KIAA1549L: variants seen among roughly 807,000 people sequenced by gnomAD.
The protein encoded by KIAA1549L is UPF0606 protein KIAA1549L.
In KIAA1549L, 88 loss-of-function variants were observed where a neutral mutation model predicts 160.7. The ratio of observed to expected loss-of-function variants is 0.55; its 90% CI spans 0.46 to 0.65. The LOEUF is 0.65. Ranked by LOEUF, KIAA1549L falls within the 30% of genes least tolerant of loss-of-function variation. The pLI is 0.00. For missense variants in KIAA1549L, 2,258 were observed against 2,437.5 expected, an observed-to-expected ratio of 0.93 and a Z score of 1.55; for synonymous variants, 950 against 976.7, an observed-to-expected ratio of 0.97 and a Z score of 0.51.
At chr11:33,395,687 ACTT>A (rs1007213000) in intron 1 of KIAA1549L, among the ~76,000 whole-genome samples, 5 of 152,152 alleles carry the variant, frequency 3.3e-5, no homozygotes, top group East Asian at 1.9e-4. Context: ...GCTGTTTTCA[ACTT>A]CTTGTAGTTT....
intron 1 of KIAA1549L, among the ~76,000 whole-genome samples, chr11:33,398,725 T>C (rs1326404359): frequency 6.6e-6 from 1 of 152,230 alleles, no homozygotes; most frequent in African/African-American, 2.4e-5. Context: ...AGGATTGATA[T>C]CTTTCCTTTC....
chr11:33,570,900 G>A (rs140785690), intron 9 of KIAA1549L, among the ~76,000 whole-genome samples: 2 of 152,282 alleles, frequency 1.3e-5, no homozygotes, highest in South Asian at 2.1e-4. Context: ...AGTGTGGAGC[G>A]AAAAGGGCAC....
chr11:33,554,134 T>G (rs976071273), intron 6 of KIAA1549L, among the ~76,000 whole-genome samples: 4 of 152,320 alleles, frequency 2.6e-5, no homozygotes, highest in Non-Finnish European at 5.9e-5. Flanking sequence ...CATGGTAACT[T>G]CATGCTGACA....
chr11:33,547,842 T>C lies in KIAA1549L; in HGVS notation c.3464T>C (p.Leu1155Ser), dbSNP rs751518184. 2.5e-6 allele frequency: 4 copies of C among 1,613,538 alleles called. No individual in the cohort carries two copies. The highest frequency in any genetic ancestry group is 3.4e-6 in the Non-Finnish European group (4 of 1,179,618). The change falls in exon 4 of 21, where the codon TTG becomes TCG. Residue 1155 changes from leucine (L) to serine (S), a missense_variant. Leu to Ser is a moderately radical substitution (Grantham distance 145, BLOSUM62 -2). Transcript: ENST00000658780. ...ATCGCCAAAGGGCTCACACAGGCAT[T>C]GCGGAAGGCTTTCCACCAGAACGAT... ...FSIAKGLTQA[L>S]RKAFHQNDVS...
At position 33,452,743 on chromosome 11, in the gene KIAA1549L, C is replaced by T. The variant is rs16924341; in HGVS notation, c.238+75854C>T. Among the ~76,000 whole-genome samples the T allele has an allele frequency of 8.3e-3, 1,265 of 152,258 alleles. 21 individuals are homozygous for T. Among genetic ancestry groups the T allele is most frequent in the East Asian group, 0.055 (285 of 5,174 alleles). On this transcript the variant is annotated intron_variant, in intron 1 of 20. Coordinates refer to ENST00000658780, the MANE Select transcript of KIAA1549L (RefSeq NM_012194.3). ...TGGTGAGTTGGTTTTGCCTCCTGCT[C>T]CATAGTTCAGCCTGTCAGGTGTTTC... is the stretch of plus-strand genomic sequence containing the variant.
At chr11:33,614,562 ATATATATATATATATATATATATTTTTTT>A (rs1564924831) in intron 15 of KIAA1549L, among the ~76,000 whole-genome samples, 7 of 12,658 alleles carry the variant, frequency 5.5e-4, no homozygotes, top group African/African-American at 5.4e-3. Flanking sequence ...ATATATATAT[ATATATATATATATATATATATATTTTTTT>A]TTTTTTTTTT....
chr11:33,399,740 AT>A (rs35023368), intron 1 of KIAA1549L, among the ~76,000 whole-genome samples: 7 of 151,964 alleles, frequency 4.6e-5, no homozygotes, highest in African/African-American at 1.7e-4. Context: ...GGCTTTTTTA[AT>A]TTTTTTTAAA....
At chr11:33,587,083 T>C (rs1849904370) in intron 11 of KIAA1549L, among the ~76,000 whole-genome samples, 1 of 152,218 alleles carries the variant, frequency 6.6e-6, no homozygotes, top group South Asian at 2.1e-4. Context: ...ACAATAATCG[T>C]ATAGAGTGTT....
intron 10 of KIAA1549L, among the ~76,000 whole-genome samples, chr11:33,578,750 A>C (rs1855539536): frequency 6.6e-6 from 1 of 152,230 alleles, no homozygotes; most frequent in South Asian, 2.1e-4. Context: ...AGGGGTTTTC[A>C]TCCTGCATGT....
chr11:33,415,510 G>A (rs1850870480), intron 1 of KIAA1549L, among the ~76,000 whole-genome samples: 1 of 152,154 alleles, frequency 6.6e-6, no homozygotes, highest in Non-Finnish European at 1.5e-5. Flanking sequence ...GAAAGTGGGG[G>A]CCAAGGTCCT....
chr11:33,468,766 T>A (rs548539703), intron 1 of KIAA1549L, among the ~76,000 whole-genome samples: 76 of 152,340 alleles, frequency 5.0e-4, no homozygotes, highest in African/African-American at 1.7e-3. Flanking sequence ...CGCTCCAGAA[T>A]CATAACTCTG....
chr11:33,498,192 G>T lies in KIAA1549L; in HGVS notation c.239-43610G>T, dbSNP rs1007293161. ...CACCTGTGGTCCCAGCTACCTAGGA[G>T]GCTAAGGTGGGAGGATTGCTTGAGC... On this transcript the variant is annotated intron_variant, in intron 1 of 20. Transcript: ENST00000658780. Among the ~76,000 whole-genome samples, 3 of 152,196 alleles carry T rather than the reference G, an allele frequency of 2.0e-5. No homozygotes were observed. The South Asian group carries it at 6.2e-4, about 32-fold the overall frequency.
intron 1 of KIAA1549L, among the ~76,000 whole-genome samples, chr11:33,378,605 T>C (rs1425904387): frequency 6.6e-6 from 1 of 152,232 alleles, no homozygotes; most frequent in Non-Finnish European, 1.5e-5. Context: ...CAGAGTCCTC[T>C]CCGTCTTTCT....
chr11:33,500,807 A>G (rs1220836175), intron 1 of KIAA1549L, among the ~76,000 whole-genome samples: 1 of 150,056 alleles, frequency 6.7e-6, no homozygotes, highest in African/African-American at 2.5e-5. Flanking sequence ...AATAAAAGAG[A>G]AAAGAAATGT....
chr11:33,410,292 T>C (rs564779664), intron 1 of KIAA1549L, among the ~76,000 whole-genome samples: 1 of 152,342 alleles, frequency 6.6e-6, no homozygotes, highest in African/African-American at 2.4e-5. Flanking sequence ...GCAACTCTCT[T>C]AACTGCATTG....
At chr11:33,430,526 A>G (rs1275848002) in intron 1 of KIAA1549L, among the ~76,000 whole-genome samples, 2 of 152,228 alleles carry the variant, frequency 1.3e-5, no homozygotes, top group Non-Finnish European at 2.9e-5. Context: ...TTCAATTTGA[A>G]AAGCGATTTT....
intron 1 of KIAA1549L, among the ~76,000 whole-genome samples, chr11:33,410,585 T>A (rs538147308): frequency 3.3e-5 from 5 of 152,356 alleles, no homozygotes; most frequent in East Asian, 1.9e-4. Context: ...TCAGTCTTCA[T>A]GGCTTTTAAC....
intron 1 of KIAA1549L, among the ~76,000 whole-genome samples, chr11:33,464,166 T>G (rs751888849): frequency 5.9e-5 from 9 of 152,260 alleles, no homozygotes; most frequent in Non-Finnish European, 1.2e-4. Context: ...AAGCTAGATC[T>G]GTGATTTAAA....
intron 1 of KIAA1549L, among the ~76,000 whole-genome samples, chr11:33,449,100 G>T (rs1851671985): frequency 6.6e-6 from 1 of 152,162 alleles, no homozygotes; most frequent in Non-Finnish European, 1.5e-5. Flanking sequence ...GATTGTCTTT[G>T]GGTATTGGGA....
Sources: gnomAD v4.1 joint callset for allele counts (sites outside exome capture counted in the v4.1 genomes callset) on GRCh38, gnomAD v4.1.1 for gene constraint, MANE v1.5 for transcripts, NCBI Gene and HGNC (gene_info 2026-07-23, HGNC 2026-07-21) for gene names.